RBBP6: variants seen among roughly 807,000 people sequenced by gnomAD.
RBBP6 encodes E3 ubiquitin-protein ligase RBBP6.
Under a neutral mutation model 167.7 loss-of-function variants are expected in RBBP6, and 25 were observed. That is an observed-to-expected ratio of 0.15 (90% CI 0.11 to 0.21). The LOEUF (loss-of-function observed/expected upper bound fraction) is 0.21. Among genes scored for constraint, RBBP6 ranks in the 10% least tolerant of loss-of-function variants. The pLI, the probability that RBBP6 is intolerant of heterozygous loss-of-function variation, is 1.00. For synonymous variants in RBBP6, 789 were observed against 735.8 expected (o/e 1.07, Z -1.17); for missense variants, 1,868 against 2,134.2 (o/e 0.88, Z 2.46).
chr16:24,541,146 A>T (rs1475436491), intron 1 of RBBP6, among the ~76,000 whole-genome samples: 4 of 143,286 alleles, frequency 2.8e-5, no homozygotes, highest in South Asian at 2.4e-4. Context: ...TCAGGAGGGC[A>T]GGAGAGCCTG....
rs571420831 is a variant in RBBP6, at chr16:24,571,781, A to C, written c.4715A>C (p.His1572Pro). Residue 1572 changes from histidine (H) to proline (P), a missense_variant, in exon 18 of 18, where the codon CAT becomes CCT. His to Pro is a moderately conservative substitution (Grantham distance 77, BLOSUM62 -2). Coordinates refer to ENST00000319715, the MANE Select transcript of RBBP6 (RefSeq NM_006910.5). ...AATCCTTGTAAGGATCGTGAGAAGC[A>C]TGTATTAGAAGCAAGGAACAATAAA... Reference protein sequence around the residue: ...DKNPCKDREKHVLEARNNKES... With the variant: ...DKNPCKDREKPVLEARNNKES... 1 of 1,613,908 alleles carries C rather than the reference A, an allele frequency of 6.2e-7. No individual in the cohort carries two copies.
At chr16:24,541,539 T>A (rs760333468) in intron 1 of RBBP6, among the ~76,000 whole-genome samples, 5 of 152,220 alleles carry the variant, frequency 3.3e-5, no homozygotes, top group Non-Finnish European at 5.9e-5. Context: ...TAGTAGTTGC[T>A]AGATTTTACG....
In RBBP6 at chr16:24,548,995, C is replaced by A; in HGVS notation, c.303+14C>A. On this transcript the variant is annotated intron_variant, in intron 3 of 17. Transcript: ENST00000319715. ...ACTACAAAAGCAGTATGTAAAAACA[C>A]AATCTCACACTTTTTCTACACATTG... The A allele has an allele frequency of 6.2e-7, 1 of 1,610,450 alleles. No homozygotes were observed. The highest frequency in any genetic ancestry group is 8.5e-7 in the Non-Finnish European group (1 of 1,177,726).
intron 7 of RBBP6, among the ~76,000 whole-genome samples, chr16:24,559,252 A>G (rs886197572): frequency 6.6e-6 from 1 of 152,042 alleles, no homozygotes; most frequent in Admixed American, 6.6e-5. Context: ...CTTAAGAGTG[A>G]CGGGTTCTAA....
At chr16:24,542,545 G>A (rs1397762472) in intron 1 of RBBP6, among the ~76,000 whole-genome samples, 1 of 150,652 alleles carries the variant, frequency 6.6e-6, no homozygotes, top group African/African-American at 2.5e-5. Flanking sequence ...TGCAACCTCC[G>A]CCTCCCTGGT....
At chr16:24,560,231 C>A (rs1349662016) in intron 8 of RBBP6, among the ~76,000 whole-genome samples, 1 of 151,648 alleles carries the variant, frequency 6.6e-6, no homozygotes, top group African/African-American at 2.4e-5. Context: ...CTCAGCCTCC[C>A]AAGTAGCTGG....
chr16:24,545,013 G>C (rs9937187), intron 1 of RBBP6, among the ~76,000 whole-genome samples: 34,720 of 152,000 alleles, frequency 0.23, 4,384 homozygotes, highest in Admixed American at 0.32. Context: ...GGATTTTTTA[G>C]CAGCCTGGTT....
At chr16:24,544,074 C>T (rs926571730) in intron 1 of RBBP6, among the ~76,000 whole-genome samples, 9 of 152,268 alleles carry the variant, frequency 5.9e-5, no homozygotes, top group Admixed American at 1.3e-4. Context: ...GTTAGAACAT[C>T]TGTTTTGAAG....
rs1464545235 is a variant in RBBP6, at chr16:24,571,224, A to G, written c.4158A>G (p.Gln1386=). The change falls in exon 18 of 18, where the codon CAA becomes CAG. Residue 1386 remains glutamine (Q), a synonymous_variant. Transcript: ENST00000319715. ...AGGACGTGAGCCATGAAATCATACA[A>G]CATGAGGTTAAAAGTTCAAAAAACT... ...FTKDVSHEII[Q]HEVKSSKNSA... is the part of the protein sequence containing the mutation. 6.2e-7 allele frequency: 1 copy of G among 1,613,342 alleles called. No individual in the cohort carries two copies. Among genetic ancestry groups the G allele is most frequent in the Non-Finnish European group, 8.5e-7 (1 of 1,179,854 alleles).
chr16:24,553,745 G>C, intron 4 of RBBP6, 188 bp downstream of exon 4: 1 of 372,984 alleles, frequency 2.7e-6, no homozygotes. Context: ...CAGCCTCAGC[G>C]TATTGGAGTA....
chr16:24,569,377 G>A lies in RBBP6; in HGVS notation c.2687G>A (p.Ser896Asn), dbSNP rs749942682. The A allele has an allele frequency of 1.2e-6, 2 of 1,614,048 alleles. No homozygotes were observed. The highest frequency in any genetic ancestry group is 1.7e-6 in the Non-Finnish European group (2 of 1,180,014). Residue 896 changes from serine (S) to asparagine (N), a missense_variant, in exon 17 of 18, where the codon AGC becomes AAC. Physicochemically the swap from Ser to Asn is conservative, Grantham distance 46. This residue lies in a region of RBBP6 where 673 missense variants were observed against 691.5 expected (regional missense o/e 0.97). Transcript: ENST00000319715. The part of the protein sequence containing the change: ...GQSHRSRNIG[S>N]NYPEKLSARD... ...AGTCATAGAAGTCGAAACATAGGTA[G>A]CAACTATCCAGAAAAGCTTTCAGCA...
intron 8 of RBBP6, among the ~76,000 whole-genome samples, chr16:24,560,349 G>A (rs1317562042): frequency 6.6e-6 from 1 of 152,032 alleles, no homozygotes; most frequent in African/African-American, 2.4e-5. Flanking sequence ...CTCGTGATCC[G>A]CCCACCTCGG....
In RBBP6 at chr16:24,569,338, A is replaced by C. The variant is rs372220603; in HGVS notation, c.2648A>C (p.Tyr883Ser). 1.8e-5 allele frequency: 29 copies of C among 1,613,874 alleles called. No individual in the cohort carries two copies. The highest frequency in any genetic ancestry group is 2.5e-5 in the Non-Finnish European group (29 of 1,180,000). ...SPFTRGRRED[Y>S]VGGQSHRSRN... ...TTCACAAGAGGCCGCAGAGAAGACT[A>C]TGTTGGTGGGCAAAGTCATAGAAGT... Residue 883 changes from tyrosine to serine, a missense_variant, in exon 17 of 18, where the codon TAT becomes TCT. Around this residue, in one of 7 missense-constraint regions of RBBP6, gnomAD observed 673 missense variants for 691.5 expected, o/e 0.97. Transcript: ENST00000319715.
rs979480435 is a variant in RBBP6, at chr16:24,570,051, G to A, written c.3361G>A (p.Glu1121Lys). 1 of 1,608,338 alleles carries A rather than the reference G, an allele frequency of 6.2e-7. No homozygotes were observed. The highest frequency in any genetic ancestry group is 8.5e-7 in the Non-Finnish European group (1 of 1,178,838). The change falls in exon 17 of 18, where the codon GAA becomes AAA. Residue 1121 changes from glutamate to lysine, a missense_variant. Glu to Lys is a moderately conservative substitution (Grantham distance 56, BLOSUM62 1). Coordinates refer to ENST00000319715, the MANE Select transcript of RBBP6 (RefSeq NM_006910.5). ...GGACTATTCCAAAGATGTCAAATCAGAAAAGCTAACAACTAAGGAAGAAAA... is the reference window on the plus strand; with the variant it reads ...GGACTATTCCAAAGATGTCAAATCAAAAAAGCTAACAACTAAGGAAGAAAA... ...KKDYSKDVKS[E>K]KLTTKEEKAK... is the part of the protein sequence containing the mutation.
chr16:24,546,336 A>G (rs1207795389), intron 2 of RBBP6, 74 bp downstream of exon 2: 3 of 1,398,816 alleles, frequency 2.1e-6, no homozygotes, highest in Non-Finnish European at 2.8e-6. Context: ...AAAAAACTGT[A>G]TTTTAGAACT....
At chr16:24,555,973 C>A (rs1245132814) in intron 6 of RBBP6, 56 bp downstream of exon 6, 2 of 1,417,442 alleles carry the variant, frequency 1.4e-6, no homozygotes, top group South Asian at 1.2e-5. Context: ...TGGAATTGTT[C>A]CTTAGCTATC....
At chr16:24,560,705 TTAAAA>T (rs561382506) in intron 8 of RBBP6, among the ~76,000 whole-genome samples, 138 of 152,324 alleles carry the variant, frequency 9.1e-4, no homozygotes, top group African/African-American at 3.2e-3. Flanking sequence ...AATACAGATT[TTAAAA>T]TAAGAGTATA....
intron 1 of RBBP6, among the ~76,000 whole-genome samples, chr16:24,544,807 T>C (rs1898596608): frequency 6.6e-6 from 1 of 152,164 alleles, no homozygotes; most frequent in Non-Finnish European, 1.5e-5. Context: ...CTCTTGGTTT[T>C]CCCAGAAGGT....
intron 8 of RBBP6, among the ~76,000 whole-genome samples, chr16:24,560,313 A>T (rs1377158118): frequency 6.6e-6 from 1 of 152,060 alleles, no homozygotes; most frequent in East Asian, 1.9e-4. Flanking sequence ...TCACTGTGTT[A>T]GCCAGGATGG....
Sources: gnomAD v4.1 joint callset for allele counts (sites outside exome capture counted in the v4.1 genomes callset) on GRCh38, gnomAD v4.1.1 for gene constraint, gnomAD v4.1.1 regional missense constraint, MANE v1.5 for transcripts, NCBI Gene and HGNC (gene_info 2026-07-23, HGNC 2026-07-21) for gene names.